The following EGFLAM variants were observed in gnomAD, a reference collection of about 807,000 sequenced individuals.
EGFLAM encodes pikachurin.
Under a neutral mutation model 113.1 loss-of-function variants are expected in EGFLAM, and 79 were observed. The ratio of observed to expected loss-of-function variants is 0.70; its 90% CI spans 0.58 to 0.84. The LOEUF is 0.84. Ranked by LOEUF, EGFLAM falls within the 40% of genes least tolerant of loss-of-function variation. The pLI, the probability that EGFLAM is intolerant of heterozygous loss-of-function variation, is 0.00. For synonymous variants in EGFLAM, 504 were observed against 487.6 expected (o/e 1.03, Z -0.44); for missense variants, 1,265 against 1,291.6 (o/e 0.98, Z 0.32).
In EGFLAM at chr5:38,285,147, T is replaced by A. The variant is rs76626569; in HGVS notation, c.97+26296T>A. ...TTCACTTCAAAATAGCAATGGGAAC[T>A]TTTTTAAAAAAATGAGAGCCCACCA... On this transcript the variant is annotated intron_variant, in intron 1 of 21. Coordinates refer to ENST00000322350, the MANE Select transcript of EGFLAM (RefSeq NM_152403.4). Among the ~76,000 whole-genome samples, 1,351 of 152,312 alleles carry A rather than the reference T, an allele frequency of 8.9e-3. 22 individuals are homozygous for A. The highest frequency in any genetic ancestry group is 0.047 in the East Asian group (245 of 5,176).
At chr5:38,444,787 A>G (rs1561097775) in intron 17 of EGFLAM, among the ~76,000 whole-genome samples, 1 of 152,248 alleles carries the variant, frequency 6.6e-6, no homozygotes, top group South Asian at 2.1e-4. Context: ...TCTACTAAAA[A>G]TACAAAAATT....
chr5:38,399,277 G>GTTTTTTTTTTTTTTTTTTT (rs797021726), intron 6 of EGFLAM, among the ~76,000 whole-genome samples: 1 of 118,472 alleles, frequency 8.4e-6, no homozygotes, highest in African/African-American at 3.1e-5. Context: ...TTTTGTTTTC[G>GTTTTTTTTTTTTTTTTTTT]TTTTTTTTTT....
intron 9 of EGFLAM, among the ~76,000 whole-genome samples, chr5:38,408,195 C>T (rs945191731): frequency 6.6e-6 from 1 of 152,170 alleles, no homozygotes; most frequent in African/African-American, 2.4e-5. Flanking sequence ...ATGTTGTTCA[C>T]AATAGTGATT....
chr5:38,361,666 T>A (rs1177574752), intron 5 of EGFLAM, among the ~76,000 whole-genome samples: 3 of 152,074 alleles, frequency 2.0e-5, no homozygotes, highest in Non-Finnish European at 4.4e-5. Flanking sequence ...AGTTTACAAA[T>A]TTATTTTGGG....
At chr5:38,319,282 G>C (rs1466184339) in intron 1 of EGFLAM, among the ~76,000 whole-genome samples, 1 of 152,114 alleles carries the variant, frequency 6.6e-6, no homozygotes, top group Non-Finnish European at 1.5e-5. Context: ...CCCCATGCTT[G>C]ACCCCCTGAT....
chr5:38,413,278 C>T (rs1003422765), intron 11 of EGFLAM, among the ~76,000 whole-genome samples: 105 of 148,848 alleles, frequency 7.1e-4, no homozygotes, highest in Middle Eastern at 3.7e-3. Flanking sequence ...ATTCTCCCAC[C>T]TTGGCCTCCC....
intron 1 of EGFLAM, among the ~76,000 whole-genome samples, chr5:38,264,566 A>G (rs1379285489): frequency 6.6e-6 from 1 of 152,164 alleles, no homozygotes. Context: ...ATCAGGGGTC[A>G]TCCTGGTCTA....
Position 38,409,025 on chromosome 5 carries a change from C to T in EGFLAM, c.1270C>T (p.Leu424=), listed in dbSNP as rs1198646698. ...ACAGGCGGAGGCAGAGGATGGCTTA[C>T]TGCTCTACTGTGGGGAGAACGAACA... ...EFRAEAEDGL[L]LYCGENEHGR... The change falls in exon 10 of 22, where the codon CTG becomes TTG. Residue 424 remains leucine (L), a synonymous_variant. Transcript: ENST00000322350. 1.9e-6 allele frequency: 3 copies of T among 1,593,114 alleles called. No homozygotes were observed. The highest frequency in any genetic ancestry group is 2.6e-6 in the Non-Finnish European group (3 of 1,168,718).
intron 19 of EGFLAM, among the ~76,000 whole-genome samples, chr5:38,454,587 T>C (rs893926062): frequency 1.3e-5 from 2 of 152,226 alleles, no homozygotes; most frequent in African/African-American, 2.4e-5. Flanking sequence ...TAAAATGTAG[T>C]TCTTATTTTT....
At chr5:38,302,709 C>CAA (rs56012054) in intron 1 of EGFLAM, among the ~76,000 whole-genome samples, 11,674 of 115,254 alleles carry the variant, frequency 0.1, 523 homozygotes, top group East Asian at 0.16. Flanking sequence ...GTCTGAGAAT[C>CAA]AAAAAAAAAA....
intron 1 of EGFLAM, among the ~76,000 whole-genome samples, chr5:38,301,740 A>G (rs917573264): frequency 6.6e-6 from 1 of 152,142 alleles, no homozygotes; most frequent in African/African-American, 2.4e-5. Flanking sequence ...GATGAAAATA[A>G]TAATGGGAAG....
intron 11 of EGFLAM, 82 bp from the exon 12 acceptor site, chr5:38,417,984 A>G (rs535423469): frequency 1.4e-6 from 2 of 1,381,726 alleles, no homozygotes; most frequent in Non-Finnish European, 9.9e-7. Context: ...CGTCTTAACC[A>G]TGTCCCTCAT....
chr5:38,309,704 AGCTCCCCGTGTG>A (rs1444223239), intron 1 of EGFLAM, among the ~76,000 whole-genome samples: 1 of 152,212 alleles, frequency 6.6e-6, no homozygotes, highest in Non-Finnish European at 1.5e-5. Flanking sequence ...TGAAGGTTGC[AGCTCCCCGTGTG>A]GCTGGTGTCT....
chr5:38,391,851 A>T (rs1402871621), intron 6 of EGFLAM, among the ~76,000 whole-genome samples: 1 of 149,760 alleles, frequency 6.7e-6, no homozygotes, highest in Non-Finnish European at 1.5e-5. Context: ...ACCTTGGCTC[A>T]CTGCAAACTC....
intron 19 of EGFLAM, among the ~76,000 whole-genome samples, chr5:38,454,565 C>T (rs1052414063): frequency 6.6e-6 from 1 of 152,120 alleles, no homozygotes; most frequent in South Asian, 2.1e-4. Context: ...AGAGAGAACA[C>T]GTAGTTATTA....
intron 6 of EGFLAM, among the ~76,000 whole-genome samples, chr5:38,381,181 T>C (rs1401812237): frequency 6.6e-6 from 1 of 152,234 alleles, no homozygotes; most frequent in Non-Finnish European, 1.5e-5. Context: ...ACATTCATCA[T>C]AATGTCATGG....
chr5:38,427,114 T>C lies in EGFLAM; in HGVS notation c.1916T>C (p.Ile639Thr), dbSNP rs376756446. 1.3e-5 allele frequency: 21 copies of C among 1,613,952 alleles called. No individual in the cohort carries two copies. The Admixed American group carries it at 2.2e-4, about 17-fold the overall frequency. ...QHYLSFMEFE[I>T]TFRPDSGDGV... Reference sequence around the variant, plus strand: ...TACCTTTCCTTCATGGAATTTGAGATCACATTTCGGCCAGACTCAGGAGAT... The same window carrying C: ...TACCTTTCCTTCATGGAATTTGAGACCACATTTCGGCCAGACTCAGGAGAT... Residue 639 changes from isoleucine to threonine, a missense_variant, in exon 14 of 22, where the codon ATC becomes ACC. Coordinates refer to ENST00000322350, the MANE Select transcript of EGFLAM (RefSeq NM_152403.4).
chr5:38,322,096 C>T (rs1249545913), intron 1 of EGFLAM, among the ~76,000 whole-genome samples: 1 of 152,158 alleles, frequency 6.6e-6, no homozygotes, highest in Non-Finnish European at 1.5e-5. Context: ...CCAGGCCTCA[C>T]CCTGTCCCTC....
intron 1 of EGFLAM, among the ~76,000 whole-genome samples, chr5:38,312,021 C>T (rs919918092): frequency 5.3e-5 from 8 of 152,140 alleles, no homozygotes; most frequent in African/African-American, 1.7e-4. Context: ...CTGTAACCAT[C>T]GTCATTTAAT....
Sources: gnomAD v4.1 joint callset for allele counts (sites outside exome capture counted in the v4.1 genomes callset) on GRCh38, gnomAD v4.1.1 for gene constraint, MANE v1.5 for transcripts, NCBI Gene and HGNC (gene_info 2026-07-23, HGNC 2026-07-21) for gene names.